Variants in AGBL4 observed in about 807,000 individuals in gnomAD.
The protein encoded by AGBL4 is cytosolic carboxypeptidase 6.
In AGBL4, 58 loss-of-function variants were observed where a neutral mutation model predicts 66.4. That is an observed-to-expected ratio of 0.87 (90% CI 0.71 to 1.09). AGBL4 has a LOEUF of 1.09. Ranked by LOEUF, AGBL4 falls within the 50% of genes least tolerant of loss-of-function variation. AGBL4 has a pLI of 0.00. For synonymous variants in AGBL4, 234 were observed against 222.9 expected (o/e 1.05, Z -0.44); for missense variants, 579 against 631.0 (o/e 0.92, Z 0.88).
At position 49,953,421 on chromosome 1, in the gene AGBL4, T is replaced by C. The variant is rs369588795; in HGVS notation, c.34+70342A>G. Among the ~76,000 whole-genome samples, 52 of 152,096 alleles carry C rather than the reference T, an allele frequency of 3.4e-4. 1 individual carries two copies. The South Asian group carries it at 9.5e-3, about 28-fold the overall frequency. On this transcript the variant is annotated intron_variant, in intron 1 of 13. Coordinates refer to ENST00000371839, the MANE Select transcript of AGBL4 (RefSeq NM_032785.4). Reference sequence around the variant, plus strand: ...GATATAATTCATCAAACATACTTAGTACTTTTATGCTATTTTACTGCAAAT... The same window carrying C: ...GATATAATTCATCAAACATACTTAGCACTTTTATGCTATTTTACTGCAAAT...
At chr1:49,348,135 A>G (rs189991621) in intron 3 of AGBL4, among the ~76,000 whole-genome samples, 29 of 151,656 alleles carry the variant, frequency 1.9e-4, no homozygotes, top group Admixed American at 8.5e-4. Flanking sequence ...AGAGGAAGAC[A>G]AAGCCAGGCG....
intron 3 of AGBL4, among the ~76,000 whole-genome samples, chr1:49,440,626 A>G (rs1344670251): frequency 6.6e-6 from 1 of 152,182 alleles, no homozygotes; most frequent in African/African-American, 2.4e-5. Flanking sequence ...TTCCAGCTTC[A>G]GGAGGAGACA....
intron 9 of AGBL4, 146 bp from the exon 10 acceptor site, chr1:48,591,131 T>G: frequency 1.4e-6 from 1 of 730,398 alleles, no homozygotes. Context: ...TGACCCTGTG[T>G]GTCAGCAGAT....
At chr1:48,561,721 T>G (rs1644399907) in intron 11 of AGBL4, among the ~76,000 whole-genome samples, 1 of 152,100 alleles carries the variant, frequency 6.6e-6, no homozygotes, top group South Asian at 2.1e-4. Flanking sequence ...GGGACATGGG[T>G]GTTTTTTGGC....
intron 1 of AGBL4, among the ~76,000 whole-genome samples, chr1:49,953,942 G>T (rs1656373217): frequency 6.6e-6 from 1 of 151,792 alleles, no homozygotes; most frequent in Admixed American, 6.6e-5. Context: ...ACCCAGGCTG[G>T]AGTTGCAGTC....
chr1:48,642,723 A>G (rs543366840), intron 8 of AGBL4, among the ~76,000 whole-genome samples: 13 of 152,180 alleles, frequency 8.5e-5, no homozygotes, highest in African/African-American at 1.2e-4. Flanking sequence ...CTGAGGGAGG[A>G]CATTTTCTGA....
chr1:49,146,093 T>C (rs1646212575), intron 4 of AGBL4, among the ~76,000 whole-genome samples: 1 of 151,988 alleles, frequency 6.6e-6, no homozygotes, highest in Admixed American at 6.6e-5. Flanking sequence ...TATCAGAAGA[T>C]GGGAAGAGTA....
At position 49,565,891 on chromosome 1, in the gene AGBL4, A is replaced by G. The variant is rs536389692; in HGVS notation, c.282+131422T>C. Among the ~76,000 whole-genome samples, 454 of 152,168 alleles carry G rather than the reference A, an allele frequency of 3.0e-3. 1 individual carries two copies. The highest frequency in any genetic ancestry group is 1.0e-2 in the African/African-American group (415 of 41,506). The stretch of plus-strand genomic sequence containing the variant: ...AGTTCTCCTGGATAATATCCTGCAG[A>G]GTGTTTTCCAACTTGGTTCCATTCT... On this transcript the variant is annotated intron_variant, in intron 3 of 13. Transcript: ENST00000371839.
chr1:49,311,009 C>A (rs554602201), intron 3 of AGBL4, among the ~76,000 whole-genome samples: 7 of 152,138 alleles, frequency 4.6e-5, no homozygotes, highest in Non-Finnish European at 1.0e-4. Context: ...GCCTCCAAGG[C>A]TTCTCTAAGC....
chr1:49,400,222 T>A (rs1489799241), intron 3 of AGBL4, among the ~76,000 whole-genome samples: 1 of 152,214 alleles, frequency 6.6e-6, no homozygotes, highest in Non-Finnish European at 1.5e-5. Context: ...GGTTCTCTAT[T>A]ATGTTCCACT....
chr1:49,017,062 G>A (rs1382914885), intron 5 of AGBL4, among the ~76,000 whole-genome samples: 3 of 152,186 alleles, frequency 2.0e-5, no homozygotes, highest in African/African-American at 7.2e-5. Context: ...GACATAGAAG[G>A]ACAGGAAGAA....
intron 6 of AGBL4, chr1:48,761,397 T>A: frequency 6.4e-7 from 1 of 1,551,776 alleles, no homozygotes; most frequent in South Asian, 1.2e-5. Flanking sequence ...CATCTTCTTC[T>A]ACATGATTAA....
intron 1 of AGBL4, among the ~76,000 whole-genome samples, chr1:49,872,288 A>T (rs1415830422): frequency 6.6e-6 from 1 of 152,048 alleles, no homozygotes. Flanking sequence ...TTCTTAATTT[A>T]TAACAATATA....
intron 1 of AGBL4, among the ~76,000 whole-genome samples, chr1:49,953,183 TAATGA>T (rs759612369): frequency 2.0e-5 from 3 of 152,088 alleles, no homozygotes; most frequent in Non-Finnish European, 4.4e-5. Context: ...TATGGACCAG[TAATGA>T]AATGAAATAT....
chr1:48,828,586 C>T lies in AGBL4; in HGVS notation c.634+38605G>A, dbSNP rs554350760. ...AGTGATTTTTTTTCTTGGTTATGTACTGACTGATACATTCAGATTTAGATG... is the reference window on the plus strand; with the variant it reads ...AGTGATTTTTTTTCTTGGTTATGTATTGACTGATACATTCAGATTTAGATG... On this transcript the variant is annotated intron_variant, in intron 6 of 13. Coordinates refer to ENST00000371839, the MANE Select transcript of AGBL4 (RefSeq NM_032785.4). 3.9e-5 allele frequency among the ~76,000 whole-genome samples: 6 copies of T among 152,210 alleles called. No individual in the cohort carries two copies. The South Asian group carries it at 1.0e-3, about 26-fold the overall frequency.
At chr1:49,162,683 A>T (rs1039767237) in intron 4 of AGBL4, among the ~76,000 whole-genome samples, 1 of 152,174 alleles carries the variant, frequency 6.6e-6, no homozygotes, top group Non-Finnish European at 1.5e-5. Context: ...GAAATCTTTG[A>T]CATGAATTTT....
At chr1:48,707,751 C>A (rs1422906411) in intron 6 of AGBL4, among the ~76,000 whole-genome samples, 1 of 152,156 alleles carries the variant, frequency 6.6e-6, no homozygotes, top group Non-Finnish European at 1.5e-5. Flanking sequence ...GAAGTCCACA[C>A]CAGACTCTGG....
Position 49,737,517 on chromosome 1 carries a change from G to A in AGBL4, c.158-40080C>T, listed in dbSNP as rs113823829. On this transcript the variant is annotated intron_variant, in intron 2 of 13. Coordinates refer to ENST00000371839, the MANE Select transcript of AGBL4 (RefSeq NM_032785.4). ...ACATAAAGATGGGAAAATAGATACT[G>A]GAGACTACTAGAGGTGGGAGAGAGA... Among the ~76,000 whole-genome samples the A allele has an allele frequency of 2.1e-3, 314 of 152,248 alleles. 4 individuals carry two copies. The highest frequency in any genetic ancestry group is 7.0e-3 in the African/African-American group (292 of 41,552).
At chr1:49,019,356 C>A (rs1008932713) in intron 5 of AGBL4, among the ~76,000 whole-genome samples, 36 of 152,306 alleles carry the variant, frequency 2.4e-4, no homozygotes, top group African/African-American at 8.7e-4. Context: ...GGAGGCCCCA[C>A]CTCAAGGAAA....
Sources: gnomAD v4.1 joint callset for allele counts (sites outside exome capture counted in the v4.1 genomes callset) on GRCh38, gnomAD v4.1.1 for gene constraint, MANE v1.5 for transcripts, NCBI Gene and HGNC (gene_info 2026-07-23, HGNC 2026-07-21) for gene names.